PTPN12: variants seen among roughly 807,000 people sequenced by gnomAD.
PTPN12 encodes protein tyrosine phosphatase non-receptor type 12, also known as tyrosine-protein phosphatase non-receptor type 12.
PTPN12 carries 29 observed loss-of-function variants against 97.6 expected under a neutral mutation model. That is an observed-to-expected ratio of 0.30 (90% confidence interval 0.22 to 0.41). The LOEUF is 0.41. Among genes scored for constraint, PTPN12 ranks in the 10% least tolerant of loss-of-function variants. The pLI is 1.00. For synonymous variants in PTPN12, 327 were observed against 300.4 expected (o/e 1.09, Z -0.91); for missense variants, 819 against 926.0 (o/e 0.88, Z 1.50).
intron 12 of PTPN12, among the ~76,000 whole-genome samples, chr7:77,618,792 C>T (rs543161383): frequency 1.3e-5 from 2 of 152,182 alleles, no homozygotes; most frequent in Admixed American, 1.3e-4. Context: ...TGGATACTAC[C>T]ATGAATTGAC....
At chr7:77,631,825 T>C (rs534296117) in intron 13 of PTPN12, among the ~76,000 whole-genome samples, 40 of 152,332 alleles carry the variant, frequency 2.6e-4, no homozygotes, top group African/African-American at 9.1e-4. Context: ...GTATTTCCAA[T>C]GTTATTTCAG....
intron 1 of PTPN12, among the ~76,000 whole-genome samples, chr7:77,540,920 A>G (rs1023425138): frequency 6.6e-6 from 1 of 152,172 alleles, no homozygotes; most frequent in Non-Finnish European, 1.5e-5. Context: ...GTTTATTCCA[A>G]ATTTGGAAAT....
chr7:77,593,588 G>A (rs530996400), intron 6 of PTPN12, among the ~76,000 whole-genome samples: 1 of 152,364 alleles, frequency 6.6e-6, no homozygotes, highest in Non-Finnish European at 1.5e-5. Flanking sequence ...GATGAAGGCA[G>A]CCTGCTGGAG....
At chr7:77,585,322 T>C (rs563625801) in intron 4 of PTPN12, 2 of 419,470 alleles carry the variant, frequency 4.8e-6, no homozygotes, top group South Asian at 1.0e-4. Context: ...AACATCATGT[T>C]AATTGGAACC....
At chr7:77,605,400 T>C (rs1407604863) in intron 8 of PTPN12, among the ~76,000 whole-genome samples, 1 of 144,090 alleles carries the variant, frequency 6.9e-6, no homozygotes, top group African/African-American at 2.6e-5. Flanking sequence ...TAAAATACTT[T>C]TGTCATGAGT....
At chr7:77,619,674 T>G (rs1788867389) in intron 12 of PTPN12, among the ~76,000 whole-genome samples, 1 of 152,218 alleles carries the variant, frequency 6.6e-6, no homozygotes, top group African/African-American at 2.4e-5. Context: ...AATACTTTAC[T>G]TCATTGTAGT....
chr7:77,626,769 C>T lies in PTPN12; in HGVS notation c.1090C>T (p.Pro364Ser). Residue 364 changes from proline (P) to serine (S), a missense_variant, in exon 13 of 18, where the codon CCC becomes TCC. Physicochemically the swap from Pro to Ser is moderately conservative, Grantham distance 74 (BLOSUM62 -1). Transcript: ENST00000248594. ...GCCACCGGAACCTCATCCAGTGCCA[C>T]CCATCTTGACACCTTCTCCCCCTTC... ...LQPPEPHPVPPILTPSPPSAF... is the reference protein window; with the variant it reads ...LQPPEPHPVPSILTPSPPSAF... 1 of 1,613,608 alleles carries T rather than the reference C, an allele frequency of 6.2e-7. No homozygotes were observed.
intron 8 of PTPN12, among the ~76,000 whole-genome samples, chr7:77,602,193 G>A (rs982349077): frequency 2.2e-4 from 33 of 147,824 alleles, no homozygotes; most frequent in African/African-American, 8.0e-4. Context: ...CTAGAAGGGG[G>A]GTTAATGTAT....
intron 15 of PTPN12, 71 bp from the exon 16 acceptor site, chr7:77,636,947 C>A: frequency 8.1e-7 from 1 of 1,236,624 alleles, no homozygotes; most frequent in Non-Finnish European, 1.2e-6. Flanking sequence ...ATACCCATAA[C>A]AGACCCAGCT....
At chr7:77,638,495 TA>T (rs1395385570) in intron 16 of PTPN12, 128 bp from the exon 17 acceptor site, 1 of 1,282,360 alleles carries the variant, frequency 7.8e-7, no homozygotes, top group African/African-American at 1.5e-5. Flanking sequence ...TCTTGACCTG[TA>T]AAATTATGGT....
chr7:77,604,128 TCTG>T (rs1334014690), intron 8 of PTPN12, among the ~76,000 whole-genome samples: 2 of 151,002 alleles, frequency 1.3e-5, no homozygotes, highest in Non-Finnish European at 3.0e-5. Context: ...GACCTCATGA[TCTG>T]CCCGCCTCCA....
chr7:77,633,462 A>T (rs1789475736), intron 14 of PTPN12, among the ~76,000 whole-genome samples: 1 of 151,922 alleles, frequency 6.6e-6, no homozygotes, highest in Admixed American at 6.6e-5. Flanking sequence ...ACAAAAAATT[A>T]GCTGTGTGTG....
chr7:77,629,237 C>T (rs1307106106), intron 13 of PTPN12, among the ~76,000 whole-genome samples: 1 of 152,238 alleles, frequency 6.6e-6, no homozygotes, highest in Non-Finnish European at 1.5e-5. Flanking sequence ...GCGTGAGCCA[C>T]CACGCCCAGC....
intron 5 of PTPN12, among the ~76,000 whole-genome samples, chr7:77,589,713 ATTAT>A (rs1483098669): frequency 6.6e-6 from 1 of 152,184 alleles, no homozygotes; most frequent in African/African-American, 2.4e-5. Context: ...AAACTGAGAA[ATTAT>A]TAAGTAATCA....
intron 1 of PTPN12, among the ~76,000 whole-genome samples, chr7:77,549,590 T>G (rs115488429): frequency 0.012 from 1,820 of 151,962 alleles, 38 homozygotes; most frequent in African/African-American, 0.042. Flanking sequence ...TTGTTTTTTT[T>G]TTTTTTAAGA....
intron 12 of PTPN12, among the ~76,000 whole-genome samples, chr7:77,619,213 CTA>C (rs945197041): frequency 3.9e-5 from 6 of 152,072 alleles, no homozygotes; most frequent in Admixed American, 6.6e-5. Flanking sequence ...AAATAAAAAA[CTA>C]TTAGAATATT....
At position 77,619,345 on chromosome 7, in the gene PTPN12, AG is replaced by A. The variant is rs772709482; in HGVS notation, c.1025+781del. Among the ~76,000 whole-genome samples, 180 of 152,348 alleles carry A rather than the reference AG, an allele frequency of 1.2e-3. 2 individuals are homozygous for A. Among genetic ancestry groups the A allele is most frequent in the African/African-American group, 4.2e-3 (173 of 41,578 alleles). ...TTAAAACTTTGGGGAAAGTTGGGTC[AG>A]ACGGCCAGGGTCATGTCTTAGCATT... On this transcript the variant is annotated intron_variant, in intron 12 of 17. Transcript: ENST00000248594.
chr7:77,564,755 T>TTTTG (rs1808176845), intron 1 of PTPN12, among the ~76,000 whole-genome samples: 10 of 87,500 alleles, frequency 1.1e-4, no homozygotes, highest in African/African-American at 4.6e-4. Flanking sequence ...TGTTTTTTTT[T>TTTTG]TTTTTTTTTT....
At position 77,537,626 on chromosome 7, in the gene PTPN12, A is replaced by C. The variant is rs766190961; in HGVS notation, c.80A>C (p.Asn27Thr). 6 of 1,600,462 alleles carry C rather than the reference A, an allele frequency of 3.7e-6. No individual in the cohort carries two copies. Among genetic ancestry groups the C allele is most frequent in the Middle Eastern group, 1.7e-4 (1 of 6,028 alleles). ...AGTCCTGACCACAATGGGGAGGACA[A>C]CTTCGCCCGGGACTTCATGGTGAGT... ...MKSPDHNGED[N>T]FARDFMRLRR... is the part of the protein sequence containing the mutation. The change falls in exon 1 of 18, where the codon AAC becomes ACC. Residue 27 changes from asparagine to threonine, a missense_variant. Coordinates refer to ENST00000248594, the MANE Select transcript of PTPN12 (RefSeq NM_002835.4).
Sources: gnomAD v4.1 joint callset for allele counts (sites outside exome capture counted in the v4.1 genomes callset) on GRCh38, gnomAD v4.1.1 for gene constraint, MANE v1.5 for transcripts, NCBI Gene and HGNC (gene_info 2026-07-23, HGNC 2026-07-21) for gene names.